The following KIAA0232 variants were observed in gnomAD, a reference collection of about 807,000 sequenced individuals.
KIAA0232 encodes the protein KIAA0232, also known as uncharacterized protein KIAA0232.
KIAA0232 carries 27 observed loss-of-function variants against 122.0 expected under a neutral mutation model. The observed-to-expected ratio is 0.22, with a 90% CI of 0.16 to 0.31. KIAA0232 has a LOEUF of 0.31. Among genes scored for constraint, KIAA0232 ranks in the 10% least tolerant of loss-of-function variants. KIAA0232 has a pLI of 1.00. For synonymous variants in KIAA0232, 613 were observed against 587.6 expected (o/e 1.04, Z -0.63); for missense variants, 1,551 against 1,634.2 (o/e 0.95, Z 0.88).
intron 3 of KIAA0232, among the ~76,000 whole-genome samples, chr4:6,831,221 A>G (rs1215406971): frequency 6.6e-6 from 1 of 151,648 alleles, no homozygotes; most frequent in African/African-American, 2.4e-5. Context: ...ACGCCCAGCT[A>G]ATTTTTGTAT....
intron 8 of KIAA0232, among the ~76,000 whole-genome samples, chr4:6,875,381 G>A (rs1024724484): frequency 5.9e-5 from 9 of 152,264 alleles, no homozygotes; most frequent in Admixed American, 4.6e-4. Context: ...AGCATGACCT[G>A]GAATTGACTG....
chr4:6,831,302 C>A (rs1413755152), intron 3 of KIAA0232, among the ~76,000 whole-genome samples: 2 of 152,202 alleles, frequency 1.3e-5, no homozygotes, highest in Admixed American at 1.3e-4. Context: ...GATCCGCCCG[C>A]CTCGGCCTCC....
chr4:6,791,504 T>A (rs1437807290), intron 1 of KIAA0232, among the ~76,000 whole-genome samples: 2 of 151,572 alleles, frequency 1.3e-5, no homozygotes, highest in Non-Finnish European at 2.9e-5. Context: ...AATTTTTAAA[T>A]TTTTTGTAGA....
rs547632424 is a variant in KIAA0232 at position 6,882,001 on chromosome 4, G to A, written c.*1035G>A. 3.9e-5 allele frequency: 6 copies of A among 152,784 alleles called. No individual in the cohort carries two copies. The East Asian group carries it at 7.7e-4, about 20-fold the overall frequency. 9.5% of individuals were successfully genotyped at this position (152,784 alleles called of 1,614,324 possible). On this transcript the variant is annotated 3_prime_UTR_variant, in exon 10 of 10. Coordinates refer to ENST00000307659, the MANE Select transcript of KIAA0232 (RefSeq NM_014743.3). ...AGTTCTGTGTGTGGTGGGTTGGGGC[G>A]GGTAGAGTCATGAGTTTTCCACATC...
intron 1 of KIAA0232, among the ~76,000 whole-genome samples, chr4:6,785,299 G>A (rs143573980): frequency 1.1e-4 from 16 of 152,308 alleles, no homozygotes; most frequent in Admixed American, 3.9e-4. Flanking sequence ...CCTACTCTGT[G>A]CTATGTTGTA....
chr4:6,818,584 G>A (rs888282850), intron 2 of KIAA0232, among the ~76,000 whole-genome samples: 8 of 151,442 alleles, frequency 5.3e-5, no homozygotes, highest in African/African-American at 1.9e-4. Flanking sequence ...ACAAACTAAT[G>A]GAAAAATATT....
chr4:6,831,026 T>C (rs114102375), intron 3 of KIAA0232, among the ~76,000 whole-genome samples: 112 of 151,814 alleles, frequency 7.4e-4, no homozygotes, highest in African/African-American at 2.6e-3. Flanking sequence ...TTCTTTCTCT[T>C]TTTTTTTATT....
rs1338267807 is a variant in KIAA0232, at chr4:6,883,150, C to A, written c.*2184C>A. ...CTTTTTAGTTTTGTGAATGGATGAT[C>A]ACAAAGAAAAAGCATTTTTAAAAAG... On this transcript the variant is annotated 3_prime_UTR_variant, in exon 10 of 10. Coordinates refer to ENST00000307659, the MANE Select transcript of KIAA0232 (RefSeq NM_014743.3). 6.6e-6 allele frequency: 1 copy of A among 152,592 alleles called. No homozygotes were observed. Among genetic ancestry groups the A allele is most frequent in the Admixed American group, 6.5e-5 (1 of 15,280 alleles). The allele number at this position is 152,592 out of a possible 1,614,324, so 9.5% of individuals were successfully genotyped here. A position where few individuals can be genotyped will look rare whatever the true frequency, so the allele number is the denominator to read the frequency against.
Position 6,855,146 on chromosome 4 carries a change from G to A in KIAA0232, c.370-2018G>A, listed in dbSNP as rs375100973. 7.3e-5 allele frequency among the ~76,000 whole-genome samples: 11 copies of A among 151,688 alleles called. No homozygotes were observed. Among genetic ancestry groups the A allele is most frequent in the African/African-American group, 2.2e-4 (9 of 41,318 alleles). On this transcript the variant is annotated intron_variant, in intron 4 of 9. Coordinates refer to ENST00000307659, the MANE Select transcript of KIAA0232 (RefSeq NM_014743.3). This position sits in a 1 kb window ranked among gnomAD's most constrained non-coding sequence, Gnocchi z 4.3. ...GTTGCCCAGGCTGGAGTGCAATGAC[G>A]CGATCTCAGCTCACTGCAACCTCCA...
At chr4:6,793,799 C>T (rs991009536) in intron 1 of KIAA0232, among the ~76,000 whole-genome samples, 2 of 152,106 alleles carry the variant, frequency 1.3e-5, no homozygotes, top group African/African-American at 4.8e-5. Flanking sequence ...TGTAAGCCTC[C>T]TGAGAACTCT....
In KIAA0232 at chr4:6,860,991, C is replaced by T; in HGVS notation, c.609C>T (p.Tyr203=). The T allele has an allele frequency of 6.2e-7, 1 of 1,614,164 alleles. No individual in the cohort carries two copies. The highest frequency in any genetic ancestry group is 8.5e-7 in the Non-Finnish European group (1 of 1,180,010). The part of the protein sequence containing the change: ...TVWNKSKVCS[Y]SSSSSSSTAP... The stretch of plus-strand genomic sequence containing the variant: ...GGAACAAGTCTAAAGTCTGTTCTTA[C>T]TCTAGCTCTTCTTCATCATCCACAG... The change falls in exon 7 of 10, where the codon TAC becomes TAT. Residue 203 remains tyrosine, a synonymous_variant. Coordinates refer to ENST00000307659, the MANE Select transcript of KIAA0232 (RefSeq NM_014743.3).
At chr4:6,852,638 C>T (rs1026322217) in intron 4 of KIAA0232, among the ~76,000 whole-genome samples, 2 of 152,184 alleles carry the variant, frequency 1.3e-5, no homozygotes, top group African/African-American at 4.8e-5. Flanking sequence ...GTTATTGCTA[C>T]ATGACTAAGT....
intron 7 of KIAA0232, among the ~76,000 whole-genome samples, chr4:6,866,933 G>C (rs1325270019): frequency 6.6e-6 from 1 of 152,176 alleles, no homozygotes; most frequent in Non-Finnish European, 1.5e-5. Flanking sequence ...AGTTACAAGT[G>C]TATGTGTACA....
Position 6,855,921 on chromosome 4 carries a change from A to C in KIAA0232, c.370-1243A>C. 1 of 927,842 alleles carries C rather than the reference A, an allele frequency of 1.1e-6. No individual in the cohort carries two copies. The highest frequency in any genetic ancestry group is 1.3e-6 in the Non-Finnish European group (1 of 777,492). 57.5% of individuals were successfully genotyped at this position (927,842 alleles called of 1,614,324 possible). A position where few individuals can be genotyped will look rare whatever the true frequency, so the allele number is the denominator to read the frequency against. ...ATGGTAAGCAGGTGCTTTCTGGTGC[A>C]ACTGTTTGTGGTTGAACAGTGTTTA... On this transcript the variant is annotated intron_variant, in intron 4 of 9. Coordinates refer to ENST00000307659, the MANE Select transcript of KIAA0232 (RefSeq NM_014743.3). This position sits in a 1 kb window ranked among gnomAD's most constrained non-coding sequence, Gnocchi z 4.3.
At chr4:6,797,689 C>T (rs1431554901) in intron 1 of KIAA0232, among the ~76,000 whole-genome samples, 1 of 151,242 alleles carries the variant, frequency 6.6e-6, no homozygotes, top group East Asian at 1.9e-4. Flanking sequence ...TTGCTTGAGC[C>T]CAGGAATTCC....
At chr4:6,806,781 A>C (rs1050877184) in intron 2 of KIAA0232, among the ~76,000 whole-genome samples, 1 of 151,354 alleles carries the variant, frequency 6.6e-6, no homozygotes, top group Admixed American at 6.6e-5. Flanking sequence ...AACAATAAGA[A>C]CATACAGGCT....
intron 3 of KIAA0232, among the ~76,000 whole-genome samples, chr4:6,832,584 A>G (rs1461185870): frequency 6.6e-6 from 1 of 152,078 alleles, no homozygotes; most frequent in Non-Finnish European, 1.5e-5. Flanking sequence ...CCTGACCTCA[A>G]GTGATCTGCC....
At chr4:6,831,431 C>A (rs1481899537) in intron 3 of KIAA0232, among the ~76,000 whole-genome samples, 2 of 152,192 alleles carry the variant, frequency 1.3e-5, no homozygotes, top group Non-Finnish European at 2.9e-5. Flanking sequence ...GCCCCTCCAT[C>A]TGAGTGATGG....
intron 1 of KIAA0232, among the ~76,000 whole-genome samples, chr4:6,799,435 G>T (rs1300150085): frequency 2.0e-5 from 3 of 151,180 alleles, no homozygotes; most frequent in Admixed American, 2.0e-4. Flanking sequence ...TAAAGTTGGG[G>T]GTAAACAATT....
Sources: gnomAD v4.1 joint callset for allele counts (sites outside exome capture counted in the v4.1 genomes callset) on GRCh38, gnomAD v4.1.1 for gene constraint, Gnocchi (gnomAD v3.1) non-coding constraint, MANE v1.5 for transcripts, NCBI Gene and HGNC (gene_info 2026-07-23, HGNC 2026-07-21) for gene names.